Variants in SLC25A15 observed in about 807,000 individuals in gnomAD.
SLC25A15 encodes the protein solute carrier family 25 member 15, also known as mitochondrial ornithine transporter 1.
A neutral mutation model predicts 32.3 loss-of-function variants in SLC25A15; 24 were observed. The observed-to-expected ratio is 0.74, with a 90% confidence interval of 0.54 to 1.04. The LOEUF (loss-of-function observed/expected upper bound fraction) is 1.04. Ranked by LOEUF, SLC25A15 falls within the 50% of genes least tolerant of loss-of-function variation. The pLI, the probability that SLC25A15 is intolerant of heterozygous loss-of-function variation, is 0.00. For synonymous variants in SLC25A15, 132 were observed against 142.1 expected (o/e 0.93, Z 0.51); for missense variants, 317 against 374.5 (o/e 0.85, Z 1.27).
intron 1 of SLC25A15, among the ~76,000 whole-genome samples, chr13:40,790,130 C>A (rs770308913): frequency 6.6e-6 from 1 of 152,184 alleles, no homozygotes; most frequent in Non-Finnish European, 1.5e-5. Context: ...ATTTGCATCT[C>A]CACGCTTTAC....
In SLC25A15 at chr13:40,810,851, T is replaced by A. The variant is rs1261571967; in HGVS notation, c.*1184T>A. The A allele has an allele frequency of 1.9e-6, 1 of 534,652 alleles. No individual in the cohort carries two copies. Among genetic ancestry groups the A allele is most frequent in the Non-Finnish European group, 3.8e-6 (1 of 260,106 alleles). The allele number at this position is 534,652 out of a possible 1,614,324, so 33.1% of individuals were successfully genotyped here. A position where few individuals can be genotyped will look rare whatever the true frequency, so the allele number is the denominator to read the frequency against. On this transcript the variant is annotated 3_prime_UTR_variant, in exon 7 of 7. Coordinates refer to ENST00000338625, the MANE Select transcript of SLC25A15 (RefSeq NM_014252.4). ...GGCTAGCAACAGCGCTTACCTTTTG[T>A]CTCTGGGTCCTGGCCTGGGGCCATC...
intron 1 of SLC25A15, among the ~76,000 whole-genome samples, chr13:40,792,706 T>C (rs575919915): frequency 6.6e-6 from 1 of 152,210 alleles, no homozygotes; most frequent in South Asian, 2.1e-4. Context: ...GATCCCAGGG[T>C]GCAGCTCCCA....
At position 40,799,237 on chromosome 13, in the gene SLC25A15, C is replaced by G. The variant is rs2138045987; in HGVS notation, c.236C>G (p.Ser79Ter). 7 of 1,614,210 alleles carry G rather than the reference C, an allele frequency of 4.3e-6. No homozygotes were observed. Among genetic ancestry groups the G allele is most frequent in the Non-Finnish European group, 5.1e-6 (6 of 1,180,042 alleles). The change falls in exon 3 of 7, where the codon TCA becomes TGA. Residue 79 changes from serine (S) to a stop codon, truncating the protein, a stop_gained. Coordinates refer to ENST00000338625, the MANE Select transcript of SLC25A15 (RefSeq NM_014252.4). LOFTEE classifies it high-confidence loss of function. ...PALIANIAEN[S>*]VLFMCYGFCQ... ...CTAATCGCCAACATCGCTGAGAACT[C>G]AGTCCTCTTCATGTGCTACGGCTTC...
chr13:40,801,241 A>AAAAAAG (rs1881874955), intron 3 of SLC25A15, among the ~76,000 whole-genome samples: 1 of 151,158 alleles, frequency 6.6e-6, no homozygotes, highest in Non-Finnish European at 1.5e-5. Flanking sequence ...AAAAAAAAAA[A>AAAAAAG]AAAAGAAAAG....
chr13:40,805,400 A>G, intron 4 of SLC25A15, 145 bp downstream of exon 4: 1 of 1,012,982 alleles, frequency 9.9e-7, no homozygotes, highest in Non-Finnish European at 1.5e-6. Context: ...TTCCCCTATC[A>G]GAGATTTTCT....
At chr13:40,802,700 G>A (rs1031908433) in intron 3 of SLC25A15, among the ~76,000 whole-genome samples, 2 of 151,398 alleles carry the variant, frequency 1.3e-5, no homozygotes, top group South Asian at 2.1e-4. Context: ...TCAGCCTCCC[G>A]AGTAGCTGGG....
rs368677375 is a variant in SLC25A15, at chr13:40,799,044, G to C, written c.56-13G>C. On this transcript the variant is annotated splice_polypyrimidine_tract_variant and intron_variant, in intron 2 of 6. Transcript: ENST00000338625. ...TAGCCTCGTACTAGAGCAGTCATCTGTCCTGATTGCAGGAGGTACAGCATG... is the reference window on the plus strand; with the variant it reads ...TAGCCTCGTACTAGAGCAGTCATCTCTCCTGATTGCAGGAGGTACAGCATG... The C allele has an allele frequency of 2.5e-6, 4 of 1,614,202 alleles. No homozygotes were observed. The highest frequency in any genetic ancestry group is 3.4e-6 in the Non-Finnish European group (4 of 1,180,036).
At chr13:40,799,007 A>C (rs1431469996) in intron 2 of SLC25A15, 50 bp from the exon 3 acceptor site, 1 of 1,613,716 alleles carries the variant, frequency 6.2e-7, no homozygotes, top group Non-Finnish European at 8.5e-7. Context: ...CCTTCCATGG[A>C]TAATGGAACT....
chr13:40,799,350 A>T lies in SLC25A15; in HGVS notation c.314+35A>T, dbSNP rs768142277. ...GGACACACACTTTTTTTATTTGTTT[A>T]AAAAAACCCCACAAAACTGGCAAGA... On this transcript the variant is annotated intron_variant, in intron 3 of 6. Coordinates refer to ENST00000338625, the MANE Select transcript of SLC25A15 (RefSeq NM_014252.4). 5.6e-6 allele frequency: 9 copies of T among 1,613,164 alleles called. No individual in the cohort carries two copies. The Admixed American group carries it at 6.7e-5, about 12-fold the overall frequency.
At position 40,799,216 on chromosome 13, in the gene SLC25A15, T is replaced by C; in HGVS notation, c.215T>C (p.Ile72Thr). 1.2e-6 allele frequency: 2 copies of C among 1,614,232 alleles called. No individual in the cohort carries two copies. Among genetic ancestry groups the C allele is most frequent in the Non-Finnish European group, 1.7e-6 (2 of 1,180,046 alleles). ...TACAAGGGTACCAGTCCAGCACTAA[T>C]CGCCAACATCGCTGAGAACTCAGTC... is the stretch of plus-strand genomic sequence containing the variant. Reference protein sequence around the residue: ...GFYKGTSPALIANIAENSVLF... With the variant: ...GFYKGTSPALTANIAENSVLF... The change falls in exon 3 of 7, where the codon ATC (isoleucine) becomes ACC (threonine). Residue 72 changes from isoleucine to threonine, a missense_variant. Transcript: ENST00000338625.
intron 6 of SLC25A15, 80 bp from the exon 7 acceptor site, chr13:40,809,463 A>G: frequency 6.4e-7 from 1 of 1,572,048 alleles, no homozygotes; most frequent in South Asian, 1.1e-5. Flanking sequence ...GCATGTGTAA[A>G]TATACCTATG....
intron 4 of SLC25A15, among the ~76,000 whole-genome samples, chr13:40,806,941 G>A (rs2282026): frequency 0.54 from 81,745 of 151,800 alleles, 22,118 homozygotes; most frequent in Middle Eastern, 0.61. Flanking sequence ...CTTGTCTTCA[G>A]ACAACATTTA....
At position 40,799,219 on chromosome 13, in the gene SLC25A15, C is replaced by G. The variant is rs753868358; in HGVS notation, c.218C>G (p.Ala73Gly). Residue 73 changes from alanine (A) to glycine (G), a missense_variant, in exon 3 of 7, where the codon GCC (alanine) becomes GGC (glycine). Physicochemically the swap from Ala to Gly is moderately conservative, Grantham distance 60. Transcript: ENST00000338625. ...FYKGTSPALI[A>G]NIAENSVLFM... ...AAGGGTACCAGTCCAGCACTAATCGCCAACATCGCTGAGAACTCAGTCCTC... is the reference window on the plus strand; with the variant it reads ...AAGGGTACCAGTCCAGCACTAATCGGCAACATCGCTGAGAACTCAGTCCTC... 1.2e-6 allele frequency: 2 copies of G among 1,614,236 alleles called. No homozygotes were observed. The highest frequency in any genetic ancestry group is 3.3e-5 in the Admixed American group (2 of 60,020).
intron 3 of SLC25A15, among the ~76,000 whole-genome samples, chr13:40,800,050 T>C (rs2282022): frequency 0.46 from 69,922 of 152,048 alleles, 16,216 homozygotes; most frequent in East Asian, 0.56. Flanking sequence ...CTGCTTTGAA[T>C]GTTGATTTAT....
At chr13:40,791,976 C>T (rs909972884) in intron 1 of SLC25A15, among the ~76,000 whole-genome samples, 8 of 152,144 alleles carry the variant, frequency 5.3e-5, no homozygotes, top group African/African-American at 1.9e-4. Flanking sequence ...TGATCCAGCA[C>T]GATGGGTCAC....
Position 40,789,644 on chromosome 13 carries a change from G to T in SLC25A15, c.-89G>T, listed in dbSNP as rs1352055533. On this transcript the variant is annotated 5_prime_UTR_variant, in exon 1 of 7. Transcript: ENST00000338625. ...GCGGGCGGCGGAGCCTGAGCTGGAC[G>T]CGGCCACGCCGGCGCGGCGGTGAGC... is the stretch of plus-strand genomic sequence containing the variant. 6.6e-6 allele frequency: 1 copy of T among 150,930 alleles called. No homozygotes were observed. Among genetic ancestry groups the T allele is most frequent in the Non-Finnish European group, 1.5e-5 (1 of 67,576 alleles). The allele number at this position is 150,930 out of a possible 1,614,324, so 9.3% of individuals were successfully genotyped here.
intron 3 of SLC25A15, chr13:40,802,053 A>G (rs1214710809): frequency 2.0e-5 from 3 of 152,246 alleles, no homozygotes; most frequent in East Asian, 1.9e-4. Flanking sequence ...ATAGACTTCT[A>G]CATTTATTGA....
rs1206882399 is a variant in SLC25A15 at position 40,799,106 on chromosome 13, G to T, written c.105G>T (p.Val35=). Residue 35 remains valine, a synonymous_variant, in exon 3 of 7, where the codon GTG becomes GTT. Transcript: ENST00000338625. ...GGCAGCCCTTTGACACAATGAAAGT[G>T]AAGATGCAGACGTTCCCTGACCTGT... ...LTGQPFDTMK[V]KMQTFPDLYR... is the part of the protein sequence containing the mutation. 6 of 1,614,182 alleles carry T rather than the reference G, an allele frequency of 3.7e-6. No homozygotes were observed. Among genetic ancestry groups the T allele is most frequent in the Non-Finnish European group, 5.1e-6 (6 of 1,180,020 alleles).
intron 2 of SLC25A15, 92 bp downstream of exon 2, chr13:40,793,373 T>A (rs764099513): frequency 4.4e-6 from 5 of 1,123,608 alleles, no homozygotes; most frequent in Non-Finnish European, 6.6e-6. Flanking sequence ...ATATTTTTAC[T>A]GTACCTTTTC....
Sources: allele counts gnomAD v4.1 joint callset (sites outside exome capture counted in the v4.1 genomes callset), GRCh38; gene constraint gnomAD v4.1.1; transcripts MANE v1.5; gene names NCBI Gene and HGNC (gene_info 2026-07-23, HGNC 2026-07-21).